Variants in NEK7 observed in about 807,000 individuals in gnomAD.
The protein encoded by NEK7 is NIMA related kinase 7.
In NEK7, 18 loss-of-function variants were observed where a neutral mutation model predicts 44.6. The observed-to-expected ratio is 0.40, with a 90% confidence interval of 0.28 to 0.60. The LOEUF (loss-of-function observed/expected upper bound fraction) is 0.60, where lower values mean the gene tolerates loss of function less well. NEK7 is among the 20% of genes least tolerant of loss of function. The pLI, the probability that NEK7 is intolerant of heterozygous loss-of-function variation, is 0.38. For missense variants in NEK7, 256 were observed against 366.5 expected, an observed-to-expected ratio of 0.70 and a Z score of 2.46; for synonymous variants, 130 against 121.1, an observed-to-expected ratio of 1.07 and a Z score of -0.48.
At chr1:198,190,032 G>T (rs547461658) in intron 1 of NEK7, among the ~76,000 whole-genome samples, 1 of 152,084 alleles carries the variant, frequency 6.6e-6, no homozygotes, top group South Asian at 2.1e-4. Context: ...CCTATACTTT[G>T]AGTAATTTTA....
chr1:198,198,173 T>C (rs554964074), intron 1 of NEK7: 15 of 765,474 alleles, frequency 2.0e-5, no homozygotes, highest in Admixed American at 5.6e-5. Flanking sequence ...CTGGCCGGCA[T>C]TGGGATTCCA....
At chr1:198,200,865 A>C (rs1417498912) in intron 1 of NEK7, among the ~76,000 whole-genome samples, 1 of 151,980 alleles carries the variant, frequency 6.6e-6, no homozygotes, top group African/African-American at 2.4e-5. Context: ...GGTGCTTTCT[A>C]TACTCCAGTT....
At chr1:198,278,710 T>C (rs1654097778) in intron 6 of NEK7, among the ~76,000 whole-genome samples, 1 of 151,852 alleles carries the variant, frequency 6.6e-6, no homozygotes, top group African/African-American at 2.4e-5. Flanking sequence ...ACAAAATGCA[T>C]TTGAAATAGA....
intron 9 of NEK7, among the ~76,000 whole-genome samples, chr1:198,300,425 G>GT (rs1196662764): frequency 6.6e-6 from 1 of 152,152 alleles, no homozygotes; most frequent in Non-Finnish European, 1.5e-5. Context: ...TATAGATGAT[G>GT]TTTCCTCTTT....
chr1:198,170,197 A>G (rs1255697675), intron 1 of NEK7, among the ~76,000 whole-genome samples: 1 of 152,174 alleles, frequency 6.6e-6, no homozygotes, highest in Non-Finnish European at 1.5e-5. Context: ...TGAATTCTGA[A>G]TTCCAAGGTC....
intron 1 of NEK7, among the ~76,000 whole-genome samples, chr1:198,222,856 G>C (rs1023554846): frequency 6.7e-6 from 1 of 150,096 alleles, no homozygotes; most frequent in African/African-American, 2.4e-5. Flanking sequence ...AGAAACTAAA[G>C]AGTGAAGATA....
At chr1:198,206,640 A>G (rs972628726) in intron 1 of NEK7, among the ~76,000 whole-genome samples, 1 of 152,072 alleles carries the variant, frequency 6.6e-6, no homozygotes, top group Admixed American at 6.6e-5. Context: ...GATATTTTAG[A>G]GAATATGTCT....
chr1:198,260,692 A>G (rs913274633), intron 3 of NEK7, among the ~76,000 whole-genome samples: 2 of 152,032 alleles, frequency 1.3e-5, no homozygotes, highest in African/African-American at 2.4e-5. Flanking sequence ...ATTTTTTCAA[A>G]TCTTAAACTG....
At chr1:198,187,901 G>A (rs1460506518) in intron 1 of NEK7, among the ~76,000 whole-genome samples, 1 of 152,164 alleles carries the variant, frequency 6.6e-6, no homozygotes, top group African/African-American at 2.4e-5. Context: ...TTTATTCTAA[G>A]GTTGCCACTC....
At chr1:198,273,215 T>C (rs1653908306) in intron 5 of NEK7, among the ~76,000 whole-genome samples, 1 of 151,776 alleles carries the variant, frequency 6.6e-6, no homozygotes, top group African/African-American at 2.4e-5. Flanking sequence ...CTCATGACTG[T>C]CAGGCCCATC....
chr1:198,301,494 G>A (rs997178086), intron 9 of NEK7, among the ~76,000 whole-genome samples: 3 of 152,246 alleles, frequency 2.0e-5, no homozygotes, highest in African/African-American at 4.8e-5. Flanking sequence ...AACTTGCAGT[G>A]AGCCGAGATC....
intron 7 of NEK7, among the ~76,000 whole-genome samples, chr1:198,285,625 G>A (rs761228505): frequency 8.6e-5 from 13 of 151,848 alleles, no homozygotes; most frequent in Non-Finnish European, 1.6e-4. Flanking sequence ...CTGCTTGAAT[G>A]TAAAAGATTA....
chr1:198,238,397 A>G (rs892790353), intron 2 of NEK7, among the ~76,000 whole-genome samples: 1 of 152,080 alleles, frequency 6.6e-6, no homozygotes, highest in Non-Finnish European at 1.5e-5. Flanking sequence ...TATTCCATTC[A>G]ACTAAAGGAC....
At chr1:198,264,930 A>G (rs1653600197) in intron 5 of NEK7, among the ~76,000 whole-genome samples, 1 of 152,088 alleles carries the variant, frequency 6.6e-6, no homozygotes, top group African/African-American at 2.4e-5. Flanking sequence ...ATTAGTATTT[A>G]TTAAGAGCTT....
chr1:198,305,662 C>G (rs1655004332), intron 9 of NEK7, among the ~76,000 whole-genome samples: 1 of 152,112 alleles, frequency 6.6e-6, no homozygotes, highest in Admixed American at 6.6e-5. Context: ...TCCCTCTAGT[C>G]ATAATAATCT....
At position 198,255,124 on chromosome 1, in the gene NEK7, A is replaced by T. The variant is rs565037551; in HGVS notation, c.198+1944A>T. Among the ~76,000 whole-genome samples, 13 of 152,248 alleles carry T rather than the reference A, an allele frequency of 8.5e-5. 1 individual carries two copies. In the South Asian group the frequency reaches 2.7e-3, roughly 32 times the overall value. ...CAATTTGAGCTGTTGGAATTGGTGGAATTGGAACTTAAGCCAGGCTATAAA... is the reference window on the plus strand; with the variant it reads ...CAATTTGAGCTGTTGGAATTGGTGGTATTGGAACTTAAGCCAGGCTATAAA... On this transcript the variant is annotated intron_variant, in intron 3 of 9. Coordinates refer to ENST00000367385, the MANE Select transcript of NEK7 (RefSeq NM_133494.3).
chr1:198,214,560 T>C (rs538770542), intron 1 of NEK7, among the ~76,000 whole-genome samples: 87 of 152,236 alleles, frequency 5.7e-4, no homozygotes, highest in Middle Eastern at 6.9e-3. Flanking sequence ...AACAATAGAC[T>C]AGATCAAGTA....
Position 198,257,636 on chromosome 1 carries a change from CTA to C in NEK7, c.198+4457_198+4458del, listed in dbSNP as rs1653314030. Among the ~76,000 whole-genome samples the C allele has an allele frequency of 2.0e-5, 3 of 152,184 alleles. 1 individual carries two copies. In the East Asian group the frequency reaches 5.8e-4, roughly 29 times the overall value. The stretch of plus-strand genomic sequence containing the variant: ...CAATTGTTATTTGAATAAATGAAAA[CTA>C]AGCATTTGTAAGAATAATTCATAAA... On this transcript the variant is annotated intron_variant, in intron 3 of 9. Coordinates refer to ENST00000367385, the MANE Select transcript of NEK7 (RefSeq NM_133494.3).
intron 2 of NEK7, among the ~76,000 whole-genome samples, chr1:198,239,464 C>T (rs1666626776): frequency 6.6e-6 from 1 of 151,994 alleles, no homozygotes; most frequent in Admixed American, 6.6e-5. Context: ...AGAATCATTA[C>T]AATATATATT....
Sources: gnomAD v4.1 joint callset for allele counts (sites outside exome capture counted in the v4.1 genomes callset) on GRCh38, gnomAD v4.1.1 for gene constraint, MANE v1.5 for transcripts, NCBI Gene and HGNC (gene_info 2026-07-23, HGNC 2026-07-21) for gene names.